ADAM22: variants seen among roughly 807,000 people sequenced by gnomAD.
ADAM22 encodes the protein ADAM metallopeptidase domain 22, also known as disintegrin and metalloproteinase domain-containing protein 22.
ADAM22 carries 65 observed loss-of-function variants against 144.6 expected under a neutral mutation model. That is an observed-to-expected ratio of 0.45 (90% CI 0.37 to 0.55). The LOEUF (loss-of-function observed/expected upper bound fraction) is 0.55. Among genes scored for constraint, ADAM22 ranks in the 20% least tolerant of loss-of-function variants. ADAM22 has a pLI of 0.00. For missense variants in ADAM22, 974 were observed against 1,184.9 expected, an observed-to-expected ratio of 0.82 and a Z score of 2.61; for synonymous variants, 391 against 412.6, an observed-to-expected ratio of 0.95 and a Z score of 0.63.
chr7:87,988,581 G>A (rs574819030), intron 3 of ADAM22, among the ~76,000 whole-genome samples: 12 of 152,174 alleles, frequency 7.9e-5, no homozygotes, highest in Admixed American at 3.3e-4. Flanking sequence ...TCATATTTGC[G>A]TATTTTATTT....
At chr7:88,190,637 T>C (rs1189124961) in intron 30 of ADAM22, among the ~76,000 whole-genome samples, 9 of 152,226 alleles carry the variant, frequency 5.9e-5, no homozygotes, top group African/African-American at 2.2e-4. Context: ...TGCCTGGCTT[T>C]AAGTGAAAGC....
At chr7:88,021,883 TTC>T (rs1303285654) in intron 3 of ADAM22, among the ~76,000 whole-genome samples, 3 of 151,798 alleles carry the variant, frequency 2.0e-5, no homozygotes, top group Non-Finnish European at 2.9e-5. Context: ...TTTTTTTTTT[TTC>T]TTTTTGAGAC....
chr7:88,179,123 G>C lies in ADAM22; in HGVS notation c.2489G>C (p.Cys830Ser). ...YSISQNISLF[C>S]SRSNGLSHSW... Reference sequence around the variant, plus strand: ...ATTAGTCAGAACATTTCATTATTTTGCAGCAGGTTTGATTACTTCTTCCTT... The same window carrying C: ...ATTAGTCAGAACATTTCATTATTTTCCAGCAGGTTTGATTACTTCTTCCTT... Residue 830 changes from cysteine to serine, a missense_variant, in exon 27 of 32, where the codon TGC (cysteine) becomes TCC (serine). Physicochemically the swap from Cys to Ser is moderately radical, Grantham distance 112. Coordinates refer to ENST00000413139, the MANE Select transcript of ADAM22 (RefSeq NM_001324418.2). 1 of 1,194,630 alleles carries C rather than the reference G, an allele frequency of 8.4e-7. No individual in the cohort carries two copies. Among genetic ancestry groups the C allele is most frequent in the Non-Finnish European group, 1.2e-6 (1 of 812,398 alleles). 74.0% of individuals were successfully genotyped at this position (1,194,630 alleles called of 1,614,324 possible). A position where few individuals can be genotyped will look rare whatever the true frequency, so the allele number is the denominator to read the frequency against.
At chr7:87,978,787 T>C (rs1852530774) in intron 3 of ADAM22, among the ~76,000 whole-genome samples, 3 of 152,244 alleles carry the variant, frequency 2.0e-5, no homozygotes. Context: ...TTTTGATTAA[T>C]GATTCAGAGG....
At chr7:88,181,666 C>G in intron 28 of ADAM22, 61 bp downstream of exon 28, 1 of 1,422,208 alleles carries the variant, frequency 7.0e-7, no homozygotes, top group South Asian at 1.2e-5. Context: ...TCTGTGGCCC[C>G]TGGTTGTAAA....
intron 2 of ADAM22, among the ~76,000 whole-genome samples, chr7:87,953,983 T>C (rs1268346270): frequency 6.6e-6 from 1 of 152,170 alleles, no homozygotes; most frequent in Non-Finnish European, 1.5e-5. Flanking sequence ...TTTTTTGTTT[T>C]CCATTTGCTT....
intron 5 of ADAM22, among the ~76,000 whole-genome samples, chr7:88,112,300 G>A (rs536110199): frequency 1.4e-4 from 21 of 152,248 alleles, no homozygotes; most frequent in African/African-American, 5.1e-4. Flanking sequence ...TAGAAGTTGA[G>A]GACATGTGGA....
intron 2 of ADAM22, among the ~76,000 whole-genome samples, chr7:87,946,860 A>G (rs1433993389): frequency 1.3e-5 from 2 of 152,256 alleles, no homozygotes; most frequent in East Asian, 3.8e-4. Flanking sequence ...ATACCATGGA[A>G]TACTATGCAG....
intron 3 of ADAM22, among the ~76,000 whole-genome samples, chr7:88,027,951 C>T (rs905371733): frequency 5.3e-5 from 8 of 152,016 alleles, no homozygotes; most frequent in Non-Finnish European, 8.8e-5. Context: ...CCACCACATC[C>T]GGCTAATTTT....
chr7:88,114,745 T>A, intron 6 of ADAM22, 98 bp downstream of exon 6: 1 of 1,148,438 alleles, frequency 8.7e-7, no homozygotes, highest in East Asian at 2.6e-5. Context: ...CATTTTTATA[T>A]TTTTTAGGGT....
In ADAM22 at chr7:88,116,831, G is replaced by C. The variant is rs1019483833; in HGVS notation, c.607+17G>C. The C allele has an allele frequency of 1.3e-6, 2 of 1,586,482 alleles. No individual in the cohort carries two copies. The highest frequency in any genetic ancestry group is 1.3e-5 in the African/African-American group (1 of 74,212). On this transcript the variant is annotated intron_variant, in intron 7 of 31. Transcript: ENST00000413139. ...TTCCATCTGGTATGATGTTCATATA[G>C]TGACTTTTTATCTAAAAGACAACTT...
intron 21 of ADAM22, among the ~76,000 whole-genome samples, 163 bp downstream of exon 21, chr7:88,153,489 C>T (rs1483934709): frequency 6.6e-6 from 1 of 152,180 alleles, no homozygotes; most frequent in African/African-American, 2.4e-5. Context: ...CAGAGGGCTT[C>T]CAAATCTTGA....
chr7:88,184,589 CT>C (rs1484106331), intron 29 of ADAM22, among the ~76,000 whole-genome samples: 1 of 152,186 alleles, frequency 6.6e-6, no homozygotes, highest in Admixed American at 6.5e-5. Context: ...AAGAGCTCCC[CT>C]ATCCCATCTA....
At position 88,043,484 on chromosome 7, in the gene ADAM22, CAA is replaced by C. The variant is rs537365074; in HGVS notation, c.324-32126_324-32125del. Among the ~76,000 whole-genome samples the C allele has an allele frequency of 7.6e-3, 702 of 92,074 alleles. 6 individuals carry two copies. The highest frequency in any genetic ancestry group is 0.022 in the African/African-American group (606 of 27,390). The allele number at this position is 92,074 out of a possible 152,430, so 60.4% of individuals were successfully genotyped here. A position where few individuals can be genotyped will look rare whatever the true frequency, so the allele number is the denominator to read the frequency against. On this transcript the variant is annotated intron_variant, in intron 3 of 31. Coordinates refer to ENST00000413139, the MANE Select transcript of ADAM22 (RefSeq NM_001324418.2). ...TGGGTGACTGAGCGAGGCTCAGTATCAAAAAAAAAAAAAAAAAGAATATTCTA... is the reference window on the plus strand; with the variant it reads ...TGGGTGACTGAGCGAGGCTCAGTATCAAAAAAAAAAAAAAAGAATATTCTA...
intron 4 of ADAM22, among the ~76,000 whole-genome samples, chr7:88,097,312 C>T (rs889801491): frequency 9.2e-5 from 14 of 151,516 alleles, no homozygotes; most frequent in Admixed American, 4.6e-4. Flanking sequence ...CCATTATGCC[C>T]GGCTAATTTT....
intron 2 of ADAM22, among the ~76,000 whole-genome samples, chr7:87,972,350 A>T (rs1248687698): frequency 1.3e-5 from 2 of 151,360 alleles, no homozygotes; most frequent in African/African-American, 4.8e-5. Flanking sequence ...CAAAGAGAAT[A>T]AAATACCTAG....
At chr7:88,048,555 T>C (rs1805317463) in intron 3 of ADAM22, among the ~76,000 whole-genome samples, 1 of 152,168 alleles carries the variant, frequency 6.6e-6, no homozygotes, top group Non-Finnish European at 1.5e-5. Context: ...ATTCTTTGAT[T>C]CTGGAAAGAT....
At chr7:88,114,536 G>T in intron 5 of ADAM22, 48 bp from the exon 6 acceptor site, 1 of 1,565,656 alleles carries the variant, frequency 6.4e-7, no homozygotes, top group Non-Finnish European at 8.8e-7. Context: ...ATCTTGTTCT[G>T]GGATGAGAGT....
chr7:88,077,507 G>A (rs371445731), intron 4 of ADAM22, among the ~76,000 whole-genome samples: 1 of 152,152 alleles, frequency 6.6e-6, no homozygotes, highest in Admixed American at 6.5e-5. Context: ...CAGGACAATG[G>A]GTGCAGTGTA....
Sources: allele counts gnomAD v4.1 joint callset (sites outside exome capture counted in the v4.1 genomes callset), GRCh38; gene constraint gnomAD v4.1.1; transcripts MANE v1.5; gene names NCBI Gene and HGNC (gene_info 2026-07-23, HGNC 2026-07-21).